Variants in GREB1 observed in about 807,000 individuals in gnomAD.
GREB1 encodes growth regulating estrogen receptor binding 1.
GREB1 carries 106 observed loss-of-function variants against 200.7 expected under a neutral mutation model. The observed-to-expected ratio is 0.53, with a 90% CI of 0.45 to 0.62. GREB1 has a LOEUF of 0.62. Among genes scored for constraint, GREB1 ranks in the 20% least tolerant of loss-of-function variants. GREB1 has a pLI of 0.00. For synonymous variants in GREB1, 1,132 were observed against 1,092.4 expected (o/e 1.04, Z -0.72); for missense variants, 2,243 against 2,556.8 (o/e 0.88, Z 2.65).
chr2:11,551,567 T>C (rs947957381), intron 1 of GREB1, among the ~76,000 whole-genome samples: 2 of 152,250 alleles, frequency 1.3e-5, no homozygotes, highest in Non-Finnish European at 2.9e-5. Context: ...TGTCATCTTG[T>C]AAACCATTTA....
chr2:11,529,758 G>A (rs1036547940), upstream of GREB1, among the ~76,000 whole-genome samples: 5 of 152,216 alleles, frequency 3.3e-5, no homozygotes, highest in Non-Finnish European at 7.3e-5. Context: ...AGCATTGAAT[G>A]TGAATGACTC....
intron 4 of GREB1, among the ~76,000 whole-genome samples, chr2:11,567,286 G>A (rs540729130): frequency 2.9e-4 from 44 of 152,022 alleles, no homozygotes; most frequent in Non-Finnish European, 5.9e-4. Context: ...CACCACATCC[G>A]GCTAATTTTT....
intron 1 of GREB1, among the ~76,000 whole-genome samples, chr2:11,491,948 G>A (rs1051729199): frequency 1.3e-5 from 2 of 152,184 alleles, no homozygotes; most frequent in South Asian, 2.1e-4. Flanking sequence ...CTATGTATGT[G>A]AGGCCTGGCC....
rs1259401046 is a variant in GREB1 at position 11,615,279 on chromosome 2, T to C, written c.3311T>C (p.Leu1104Pro). Residue 1104 changes from leucine to proline, a missense_variant, in exon 20 of 33, where the codon CTG becomes CCG. Leu to Pro is a moderately conservative substitution (Grantham distance 98). Around this residue, in one of 3 missense-constraint regions of GREB1, gnomAD observed 587 missense variants for 553.1 expected, o/e 1.06. Transcript: ENST00000381486. ...AGCACAGACAACGAGGATGAGGAGC[T>C]GGGGACAGAAGGTGAGGGATGGCTG... ...LSSTDNEDEE[L>P]GTEGSTSEKR... The C allele has an allele frequency of 1.3e-6, 2 of 1,587,874 alleles. No homozygotes were observed. Among genetic ancestry groups the C allele is most frequent in the Non-Finnish European group, 1.7e-6 (2 of 1,166,140 alleles).
At chr2:11,605,144 CTTTTTTTTTTT>C (rs3035991) in intron 17 of GREB1, among the ~76,000 whole-genome samples, 2,813 of 44,858 alleles carry the variant, frequency 0.063, 102 homozygotes, top group African/African-American at 0.11. Context: ...GAGCCTGCTT[CTTTTTTTTTTT>C]TTTTTTTTTT....
intron 1 of GREB1, among the ~76,000 whole-genome samples, chr2:11,541,292 A>G (rs1265633513): frequency 1.3e-5 from 2 of 152,150 alleles, no homozygotes; most frequent in African/African-American, 4.8e-5. Context: ...GCAGGAAGCC[A>G]GGGTTGGGGT....
At chr2:11,621,614 C>A (rs1684021881) in intron 23 of GREB1, among the ~76,000 whole-genome samples, 1 of 152,230 alleles carries the variant, frequency 6.6e-6, no homozygotes, top group Admixed American at 6.5e-5. Context: ...TCCCTCCTCC[C>A]AGTGGCTCAT....
At chr2:11,496,809 T>C (rs1012875509) in intron 1 of GREB1, among the ~76,000 whole-genome samples, 2 of 152,206 alleles carry the variant, frequency 1.3e-5, no homozygotes, top group Admixed American at 6.5e-5. Context: ...ACAGTCAAGA[T>C]ACAGAATAGT....
chr2:11,581,060 G>GGT (rs1192522543), intron 7 of GREB1: 1 of 670,856 alleles, frequency 1.5e-6, no homozygotes, highest in South Asian at 1.7e-5. Flanking sequence ...CCAAGGAGCA[G>GGT]TGAGACACCT....
Position 11,598,676 on chromosome 2 carries a change from G to A in GREB1, c.2153-4G>A, listed in dbSNP as rs578082714. 2 of 1,613,566 alleles carry A rather than the reference G, an allele frequency of 1.2e-6. No individual in the cohort carries two copies. The highest frequency in any genetic ancestry group is 2.2e-5 in the South Asian group (2 of 91,030). On this transcript the variant is annotated splice_polypyrimidine_tract_variant and splice_region_variant and intron_variant, in intron 14 of 32. Coordinates refer to ENST00000381486, the MANE Select transcript of GREB1 (RefSeq NM_014668.4). ...GTTACTGATGTATGTTCTTTGTGTT[G>A]CAGGGGTTTTGCTGGAGCTTGGTCT...
chr2:11,530,090 C>T (rs1291856736), upstream of GREB1, among the ~76,000 whole-genome samples: 2 of 151,690 alleles, frequency 1.3e-5, no homozygotes, highest in Non-Finnish European at 2.9e-5. Flanking sequence ...CAGAGTCTCA[C>T]TCTGTTGTCT....
At chr2:11,533,923 A>G (rs1177286441), upstream of GREB1, among the ~76,000 whole-genome samples, 1 of 152,246 alleles carries the variant, frequency 6.6e-6, no homozygotes, top group East Asian at 1.9e-4. Flanking sequence ...AGATTGGGCA[A>G]TAAAAACCGC....
Position 11,612,609 on chromosome 2 carries a change from A to G in GREB1, c.3121A>G (p.Arg1041Gly). Residue 1041 changes from arginine to glycine, a missense_variant and splice_region_variant, in exon 19 of 33, where the codon AGG (arginine) becomes GGG (glycine). Around this residue, in one of 3 missense-constraint regions of GREB1, gnomAD observed 1,178 missense variants for 1,387.4 expected, o/e 0.85. Transcript: ENST00000381486. ...GMDPHGESLP[R>G]SLRYCDLRLI... ...GGACCCGCATGGGGAGTCCTTGCCG[A>G]GGTGAGTGGAGGGGTTATGCCCCTG... The G allele has an allele frequency of 1.3e-6, 2 of 1,591,856 alleles. No individual in the cohort carries two copies.
intron 1 of GREB1, among the ~76,000 whole-genome samples, chr2:11,484,077 T>C (rs976367730): frequency 6.6e-6 from 1 of 152,202 alleles, no homozygotes; most frequent in Non-Finnish European, 1.5e-5. Flanking sequence ...CTATAAATAT[T>C]GTGGTCATGC....
chr2:11,535,505 C>A (rs1674251187), intron 1 of GREB1, among the ~76,000 whole-genome samples: 1 of 148,622 alleles, frequency 6.7e-6, no homozygotes, highest in African/African-American at 2.5e-5. Flanking sequence ...ATGTCTGTTT[C>A]CATTAAACAG....
At chr2:11,484,546 C>G (rs1454909879) in intron 1 of GREB1, among the ~76,000 whole-genome samples, 1 of 137,402 alleles carries the variant, frequency 7.3e-6, no homozygotes, top group African/African-American at 2.8e-5. Flanking sequence ...GCCAAGAGTT[C>G]GAGACCAGCC....
chr2:11,519,270 G>A (rs956283573), intron 1 of GREB1, among the ~76,000 whole-genome samples: 10 of 151,848 alleles, frequency 6.6e-5, no homozygotes, highest in African/African-American at 1.2e-4. Context: ...GGTAATAAGG[G>A]CTATCTGGAT....
Position 11,548,422 on chromosome 2 carries a change from A to T in GREB1, c.-161-8032A>T, listed in dbSNP as rs890279503. Among the ~76,000 whole-genome samples, 3 of 151,800 alleles carry T rather than the reference A, an allele frequency of 2.0e-5. No homozygotes were observed. Among genetic ancestry groups the T allele is most frequent in the Admixed American group, 1.3e-4 (2 of 15,262 alleles). On this transcript the variant is annotated intron_variant, in intron 1 of 32. Coordinates refer to ENST00000381486, the MANE Select transcript of GREB1 (RefSeq NM_014668.4). The surrounding 1 kb of genome is among the most constrained non-coding windows in gnomAD (Gnocchi z 5.1). Reference sequence around the variant, plus strand: ...CATACACATGCCTTTCCCTTTTCTCATTCTTCCAAAATAGTTATATCAAAA... The same window carrying T: ...CATACACATGCCTTTCCCTTTTCTCTTTCTTCCAAAATAGTTATATCAAAA...
intron 25 of GREB1, among the ~76,000 whole-genome samples, chr2:11,628,819 G>T (rs1684657318): frequency 6.6e-6 from 1 of 152,106 alleles, no homozygotes; most frequent in Non-Finnish European, 1.5e-5. Flanking sequence ...AGCCGGCTGG[G>T]CTGTGCCTGG....
Sources: gnomAD v4.1 joint callset for allele counts (sites outside exome capture counted in the v4.1 genomes callset) on GRCh38, gnomAD v4.1.1 for gene constraint, gnomAD v4.1.1 regional missense constraint, Gnocchi (gnomAD v3.1) non-coding constraint, MANE v1.5 for transcripts, NCBI Gene and HGNC (gene_info 2026-07-23, HGNC 2026-07-21) for gene names.